RPL32: variants seen among roughly 807,000 people sequenced by gnomAD.
RPL32 encodes the protein large ribosomal subunit protein eL32.
For missense variants in RPL32, 117 were observed against 173.7 expected, an observed-to-expected ratio of 0.67 and a Z score of 1.83; for synonymous variants, 61 against 62.6, an observed-to-expected ratio of 0.98 and a Z score of 0.12.
chr3:12,839,650 A>G, intron 2 of RPL32, 120 bp from the exon 3 acceptor site: 2 of 988,968 alleles, frequency 2.0e-6, no homozygotes, highest in Admixed American at 3.7e-5. Context: ...TGCCTTTGGT[A>G]ACAGGACTTC....
chr3:12,839,544 TACAC>T lies in RPL32; in HGVS notation c.97-18_97-15del. 6.2e-7 allele frequency: 1 copy of T among 1,613,764 alleles called. No homozygotes were observed. The highest frequency in any genetic ancestry group is 8.5e-7 in the Non-Finnish European group (1 of 1,179,634). On this transcript the variant is annotated splice_polypyrimidine_tract_variant and intron_variant, in intron 2 of 3. Coordinates refer to ENST00000429711, the MANE Select transcript of RPL32 (RefSeq NM_000994.4). ...CCGCCAGTTACGCTGAAGGAAATAA[TACAC>T]AGGTGGGTTAGCGTCTGTGCAGAGT...
At chr3:12,839,580 T>C in intron 2 of RPL32, 50 bp from the exon 3 acceptor site, 1 of 1,577,052 alleles carries the variant, frequency 6.3e-7, no homozygotes, top group South Asian at 1.1e-5. Flanking sequence ...GAGTGCGAAC[T>C]CTTCCTTTTG....
At chr3:12,838,621 C>G (rs1450111884) in intron 3 of RPL32, among the ~76,000 whole-genome samples, 2 of 152,044 alleles carry the variant, frequency 1.3e-5, no homozygotes, top group African/African-American at 2.4e-5. Flanking sequence ...CCATGTTTGA[C>G]CTTCTCCCGC....
rs759895814 is a variant in RPL32 at position 12,840,235 on chromosome 3, CATG to C, written c.-1_2del. On this transcript the variant is annotated start_lost and start_retained_variant and 5_prime_UTR_variant, in exon 2 of 4. Transcript: ENST00000429711. ...GCTTCACAAGGGGTCTGAGGGCGGC[CATG>C]ATGCCTTTTGGGGAAGAAGCGGCCC... The C allele has an allele frequency of 3.7e-6, 6 of 1,613,552 alleles. No individual in the cohort carries two copies. The highest frequency in any genetic ancestry group is 5.1e-6 in the Non-Finnish European group (6 of 1,179,546).
At chr3:12,837,203 C>T (rs944034229) in intron 3 of RPL32, among the ~76,000 whole-genome samples, 6 of 152,172 alleles carry the variant, frequency 3.9e-5, no homozygotes, top group Non-Finnish European at 7.3e-5. Flanking sequence ...AATGTGTCCC[C>T]CCTGGCTTGG....
rs923921365 is a variant in RPL32, at chr3:12,836,144, T to C, written c.358A>G (p.Ile120Val). Residue 120 changes from isoleucine to valine, a missense_variant, in exon 4 of 4, where the codon ATC (isoleucine) becomes GTC (valine). By Grantham distance (29) the Ile-to-Val change is conservative (BLOSUM62 3). Coordinates refer to ENST00000429711, the MANE Select transcript of RPL32 (RefSeq NM_000994.4). ...CTGGCATTGGGGTTGGTGACTCTGA[T>C]GGCCAGTTGGGCAGCTCTTTCCACG... ...AIVERAAQLA[I>V]RVTNPNARLR... 3 of 1,608,034 alleles carry C rather than the reference T, an allele frequency of 1.9e-6. No individual in the cohort carries two copies. The highest frequency in any genetic ancestry group is 2.7e-5 in the African/African-American group (2 of 75,056).
At chr3:12,839,207 A>G in intron 3 of RPL32, 142 bp downstream of exon 3, 1 of 734,810 alleles carries the variant, frequency 1.4e-6, no homozygotes, top group Non-Finnish European at 2.3e-6. Flanking sequence ...AAATCCTGCA[A>G]GGAACAACTT....
In RPL32 at chr3:12,840,212, T is replaced by C. The variant is rs778362437; in HGVS notation, c.26A>G (p.Lys9Arg). The C allele has an allele frequency of 6.2e-7, 1 of 1,614,038 alleles. No individual in the cohort carries two copies. Among genetic ancestry groups the C allele is most frequent in the Non-Finnish European group, 8.5e-7 (1 of 1,179,914 alleles). The part of the protein sequence containing the change: MAALRPLV[K>R]PKIVKKRTKK... ...GGTTCTCTTTTTGACGATCTTGGGC[T>C]TCACAAGGGGTCTGAGGGCGGCCAT... Residue 9 changes from lysine to arginine, a missense_variant, in exon 2 of 4, where the codon AAG becomes AGG. Physicochemically the swap from Lys to Arg is conservative, Grantham distance 26 (BLOSUM62 2). Coordinates refer to ENST00000429711, the MANE Select transcript of RPL32 (RefSeq NM_000994.4).
Position 12,836,040 on chromosome 3 carries a change from T to C in RPL32, c.*54A>G. 2 of 1,598,270 alleles carry C rather than the reference T, an allele frequency of 1.3e-6. No individual in the cohort carries two copies. Among genetic ancestry groups the C allele is most frequent in the South Asian group, 2.2e-5 (2 of 90,592 alleles). The stretch of plus-strand genomic sequence containing the variant: ...AAGACTTAAAATCAAGGAAGGAAGA[T>C]GCCAGATGGCAGTTTTTACATTTAT... On this transcript the variant is annotated 3_prime_UTR_variant, in exon 4 of 4. Coordinates refer to ENST00000429711, the MANE Select transcript of RPL32 (RefSeq NM_000994.4).
intron 3 of RPL32, 48 bp from the exon 4 acceptor site, chr3:12,836,271 T>C: frequency 6.3e-7 from 1 of 1,598,254 alleles, no homozygotes; most frequent in South Asian, 1.1e-5. Flanking sequence ...CTCAACACAC[T>C]TGGAAAATTC....
At chr3:12,840,837 G>A (rs890281688) in intron 1 of RPL32, 1 of 228,488 alleles carries the variant, frequency 4.4e-6, no homozygotes, top group African/African-American at 2.2e-5. Context: ...GTGGTCTTCC[G>A]AGCCATTGAT....
intron 3 of RPL32, among the ~76,000 whole-genome samples, chr3:12,838,078 C>T (rs1466953849): frequency 6.6e-6 from 1 of 152,192 alleles, no homozygotes; most frequent in Non-Finnish European, 1.5e-5. Flanking sequence ...AGCCACTGCA[C>T]TGTAGCCAGG....
chr3:12,838,387 G>A (rs1024317544), intron 3 of RPL32, among the ~76,000 whole-genome samples: 10 of 152,296 alleles, frequency 6.6e-5, no homozygotes, highest in African/African-American at 2.4e-4. Context: ...GCCCCGGCAA[G>A]AGAGCAAGAC....
chr3:12,839,520 C>T lies in RPL32; in HGVS notation c.107G>A (p.Arg36Gln). 6.2e-7 allele frequency: 1 copy of T among 1,614,106 alleles called. No individual in the cohort carries two copies. The highest frequency in any genetic ancestry group is 8.5e-7 in the Non-Finnish European group (1 of 1,180,008). Residue 36 changes from arginine (R) to glutamine (Q), a missense_variant, in exon 3 of 4, where the codon CGG (arginine) becomes CAG (glutamine). Transcript: ENST00000429711. ...DRYVKIKRNW[R>Q]KPRGIDNRVR... ...CCTGTTGTCAATGCCTCTGGGTTTC[C>T]GCCAGTTACGCTGAAGGAAATAATA...
At chr3:12,837,214 G>C (rs2062106794) in intron 3 of RPL32, among the ~76,000 whole-genome samples, 1 of 152,114 alleles carries the variant, frequency 6.6e-6, no homozygotes, top group Non-Finnish European at 1.5e-5. Flanking sequence ...CCTGGCTTGG[G>C]CATTTTCCAC....
At chr3:12,839,721 T>C in intron 2 of RPL32, 191 bp from the exon 3 acceptor site, 1 of 641,198 alleles carries the variant, frequency 1.6e-6, no homozygotes, top group Non-Finnish European at 2.7e-6. Context: ...CCACTAGGGA[T>C]GAAGGCACCC....
chr3:12,837,404 CAA>C (rs979167391), intron 3 of RPL32, among the ~76,000 whole-genome samples: 5 of 152,244 alleles, frequency 3.3e-5, no homozygotes, highest in East Asian at 1.9e-4. Context: ...GATCAAACGT[CAA>C]AGAGTATTTC....
chr3:12,839,690 A>T, intron 2 of RPL32, 160 bp from the exon 3 acceptor site: 2 of 756,462 alleles, frequency 2.6e-6, no homozygotes, highest in South Asian at 3.3e-5. Flanking sequence ...GGTGGGAAAA[A>T]CCAGGAGCTC....
chr3:12,836,786 T>G (rs951647264), intron 3 of RPL32, among the ~76,000 whole-genome samples: 2 of 152,214 alleles, frequency 1.3e-5, no homozygotes, highest in African/African-American at 4.8e-5. Flanking sequence ...TCACAACTTT[T>G]TAAGAGGCAG....
Sources: allele counts gnomAD v4.1 joint callset (sites outside exome capture counted in the v4.1 genomes callset), GRCh38; gene constraint gnomAD v4.1.1; transcripts MANE v1.5; gene names NCBI Gene and HGNC (gene_info 2026-07-23, HGNC 2026-07-21).